CCDC125: variants seen among roughly 807,000 people sequenced by gnomAD.
CCDC125 encodes coiled-coil domain-containing protein 125.
CCDC125 carries 43 observed loss-of-function variants against 57.4 expected under a neutral mutation model. The observed-to-expected ratio is 0.75, with a 90% CI of 0.59 to 0.97. CCDC125 has a LOEUF of 0.97. CCDC125 is among the 50% of genes least tolerant of loss of function. CCDC125 has a pLI of 0.00. For synonymous variants in CCDC125, 187 were observed against 195.2 expected, an observed-to-expected ratio of 0.96 and a Z score of 0.35; for missense variants, 563 against 595.7, an observed-to-expected ratio of 0.95 and a Z score of 0.57.
At chr5:69,332,175 T>C (rs1561199709) in intron 1 of CCDC125, among the ~76,000 whole-genome samples, 2 of 152,268 alleles carry the variant, frequency 1.3e-5, no homozygotes, top group African/African-American at 4.8e-5. Context: ...CACTTTGCTT[T>C]AGGATTTTGT....
chr5:69,313,226 C>G (rs2150533180), intron 3 of CCDC125: 1 of 477,534 alleles, frequency 2.1e-6, no homozygotes, highest in South Asian at 2.5e-5. Context: ...GGTGGGAGGT[C>G]TGTTTGGCAA....
At chr5:69,312,205 T>C (rs545913861) in intron 3 of CCDC125, among the ~76,000 whole-genome samples, 1 of 152,232 alleles carries the variant, frequency 6.6e-6, no homozygotes, top group African/African-American at 2.4e-5. Context: ...GAGGCTGGAT[T>C]TCTGCAGCTA....
intron 2 of CCDC125, among the ~76,000 whole-genome samples, chr5:69,318,471 G>A (rs973984731): frequency 3.3e-5 from 5 of 151,368 alleles, no homozygotes; most frequent in East Asian, 2.0e-4. Context: ...GGCCAGGCAC[G>A]GTGGCTCATG....
chr5:69,306,564 G>C (rs1050235878), intron 6 of CCDC125, among the ~76,000 whole-genome samples: 1 of 152,118 alleles, frequency 6.6e-6, no homozygotes, highest in African/African-American at 2.4e-5. Flanking sequence ...CTGGACTCAA[G>C]TGATCCTCAG....
chr5:69,322,928 G>C (rs2150629430), intron 1 of CCDC125, among the ~76,000 whole-genome samples: 1 of 152,096 alleles, frequency 6.6e-6, no homozygotes, highest in Non-Finnish European at 1.5e-5. Context: ...AGAATTGCTT[G>C]GCTCTGGGAG....
chr5:69,319,180 A>G (rs7719917), intron 2 of CCDC125, among the ~76,000 whole-genome samples: 143,521 of 152,114 alleles, frequency 0.94, 68,008 homozygotes, highest in East Asian at 1. Flanking sequence ...CATCCGCCTC[A>G]GCCTCCCAAA....
chr5:69,305,675 T>G (rs1042547668), intron 6 of CCDC125, among the ~76,000 whole-genome samples: 2 of 152,144 alleles, frequency 1.3e-5, no homozygotes, highest in African/African-American at 4.8e-5. Context: ...TACTGGAACA[T>G]CTGGAGACTA....
At chr5:69,288,800 C>CT (rs1361432353) in intron 10 of CCDC125, among the ~76,000 whole-genome samples, 1 of 152,160 alleles carries the variant, frequency 6.6e-6, no homozygotes, top group Non-Finnish European at 1.5e-5. Flanking sequence ...GGATCTGACT[C>CT]TAACTCCAGG....
intron 6 of CCDC125, among the ~76,000 whole-genome samples, chr5:69,304,428 T>TG (rs568204923): frequency 3.4e-5 from 5 of 148,276 alleles, no homozygotes; most frequent in Non-Finnish European, 7.5e-5. Flanking sequence ...TACCCTTTTT[T>TG]TTTTTTTTTC....
At chr5:69,329,044 C>T (rs1039745406) in intron 1 of CCDC125, among the ~76,000 whole-genome samples, 13 of 152,270 alleles carry the variant, frequency 8.5e-5, no homozygotes, top group South Asian at 2.1e-4. Flanking sequence ...CCGCTGGCCT[C>T]GGCCTCCCAA....
At chr5:69,295,412 G>T (rs1755151796) in intron 8 of CCDC125, among the ~76,000 whole-genome samples, 1 of 152,158 alleles carries the variant, frequency 6.6e-6, no homozygotes, top group South Asian at 2.1e-4. Flanking sequence ...AAATACGATT[G>T]ATTCCTGTGT....
intron 10 of CCDC125, among the ~76,000 whole-genome samples, chr5:69,290,321 G>T (rs1754198000): frequency 6.7e-6 from 1 of 148,328 alleles, no homozygotes; most frequent in Admixed American, 6.7e-5. Flanking sequence ...TTATTATTTT[G>T]AGACAGAGTC....
intron 1 of CCDC125, among the ~76,000 whole-genome samples, chr5:69,328,557 A>G (rs1332356898): frequency 6.6e-6 from 1 of 152,154 alleles, no homozygotes; most frequent in Admixed American, 6.5e-5. Context: ...AAATGCTCAC[A>G]TATACAAGTG....
At position 69,280,748 on chromosome 5, in the gene CCDC125, TTGTAGAG is replaced by T. The variant is rs1393141234; in HGVS notation, c.*1974_*1980del. 1 of 152,260 alleles carries T rather than the reference TTGTAGAG, an allele frequency of 6.6e-6. No individual in the cohort carries two copies. The highest frequency in any genetic ancestry group is 2.4e-5 in the African/African-American group (1 of 41,472). 9.4% of individuals were successfully genotyped at this position (152,260 alleles called of 1,614,324 possible). ...GCTTTATCTTATGGATCTCTCCATT[TTGTAGAG>T]TATTCCATTGTATAGCTGTACAGTA... is the stretch of plus-strand genomic sequence containing the variant. On this transcript the variant is annotated 3_prime_UTR_variant, in exon 12 of 12. Coordinates refer to ENST00000396496, the MANE Select transcript of CCDC125 (RefSeq NM_176816.5).
the CCDC125 span, chr5:69,273,060 T>C: frequency 6.9e-7 from 1 of 1,451,500 alleles, no homozygotes; most frequent in Non-Finnish European, 9.3e-7. Context: ...GTGTATCTTT[T>C]TTATACTAGG....
intron 4 of CCDC125, chr5:69,309,860 C>T (rs929869085): frequency 6.6e-6 from 1 of 152,278 alleles, no homozygotes; most frequent in Non-Finnish European, 1.5e-5. Flanking sequence ...CATGGGAACC[C>T]ACCTCTTGCA....
chr5:69,278,812 C>G (rs1013308704), downstream of CCDC125, among the ~76,000 whole-genome samples: 1 of 149,414 alleles, frequency 6.7e-6, no homozygotes, highest in Admixed American at 6.8e-5. Flanking sequence ...GCCATCCTTC[C>G]ACCTCTGTCC....
At chr5:69,280,144 C>G (rs945817875), downstream of CCDC125, 1 of 152,094 alleles carries the variant, frequency 6.6e-6, no homozygotes, top group African/African-American at 2.4e-5. Flanking sequence ...ACAGCCAAAC[C>G]GTATCAGGTA....
Position 69,305,372 on chromosome 5 carries a change from C to T in CCDC125, c.618-1443G>A, listed in dbSNP as rs751986005. Among the ~76,000 whole-genome samples the T allele has an allele frequency of 3.3e-5, 5 of 152,154 alleles. No individual in the cohort carries two copies. In the East Asian group the frequency reaches 5.8e-4, roughly 18 times the overall value. The stretch of plus-strand genomic sequence containing the variant: ...GGGATACAGGTGTGTGCCACCACGC[C>T]CAGTTAATTTTTGTATTTTTGGTAG... On this transcript the variant is annotated intron_variant, in intron 6 of 11. Coordinates refer to ENST00000396496, the MANE Select transcript of CCDC125 (RefSeq NM_176816.5).
Sources: allele counts gnomAD v4.1 joint callset (sites outside exome capture counted in the v4.1 genomes callset), GRCh38; gene constraint gnomAD v4.1.1; transcripts MANE v1.5; gene names NCBI Gene and HGNC (gene_info 2026-07-23, HGNC 2026-07-21).